ELMO1: variants seen among roughly 807,000 people sequenced by gnomAD.
ELMO1 encodes the protein engulfment and cell motility protein 1.
A neutral mutation model predicts 98.9 loss-of-function variants in ELMO1; 26 were observed. The observed-to-expected ratio is 0.26, with a 90% CI of 0.19 to 0.36. ELMO1 has a LOEUF of 0.36. ELMO1 is among the 10% of genes least tolerant of loss of function. The pLI is 1.00. For synonymous variants in ELMO1, 346 were observed against 346.0 expected (o/e 1.00, Z 0.00); for missense variants, 627 against 935.2 (o/e 0.67, Z 4.30).
At chr7:37,002,999 A>G (rs1466685008) in intron 16 of ELMO1, among the ~76,000 whole-genome samples, 2 of 152,210 alleles carry the variant, frequency 1.3e-5, no homozygotes, top group Non-Finnish European at 2.9e-5. Context: ...TTCCTGAGGA[A>G]GGTGGTGGTC....
At chr7:36,975,703 C>T (rs936578441) in intron 16 of ELMO1, among the ~76,000 whole-genome samples, 38 of 151,240 alleles carry the variant, frequency 2.5e-4, no homozygotes, top group East Asian at 1.4e-3. Context: ...AAAAATTAGC[C>T]GGGCGTGGTG....
At chr7:37,168,311 C>T (rs981012501) in intron 13 of ELMO1, among the ~76,000 whole-genome samples, 4 of 151,862 alleles carry the variant, frequency 2.6e-5, no homozygotes, top group African/African-American at 7.2e-5. Context: ...ATAGTTTGAT[C>T]GTCTGAAGCC....
At chr7:36,918,361 T>C (rs1784870593) in intron 16 of ELMO1, among the ~76,000 whole-genome samples, 1 of 152,134 alleles carries the variant, frequency 6.6e-6, no homozygotes, top group Non-Finnish European at 1.5e-5. Flanking sequence ...GTAAAAGGGA[T>C]GGGGTTTTCT....
chr7:37,162,044 TTAATGG>T (rs1396836284), intron 13 of ELMO1, among the ~76,000 whole-genome samples: 1 of 144,974 alleles, frequency 6.9e-6, no homozygotes, highest in African/African-American at 2.5e-5. Flanking sequence ...AAAAATGGGA[TTAATGG>T]AAGAGGGAGA....
intron 16 of ELMO1, among the ~76,000 whole-genome samples, chr7:36,957,076 G>A (rs371909615): frequency 6.6e-6 from 1 of 152,240 alleles, no homozygotes; most frequent in Admixed American, 6.5e-5. Context: ...GGAGAGGATG[G>A]CACCAGCTCT....
chr7:37,168,642 C>T (rs1208152590), intron 13 of ELMO1, among the ~76,000 whole-genome samples: 1 of 152,162 alleles, frequency 6.6e-6, no homozygotes, highest in Non-Finnish European at 1.5e-5. Flanking sequence ...GCGGTGTTTG[C>T]AGAACAGCGG....
intron 4 of ELMO1, among the ~76,000 whole-genome samples, chr7:37,305,725 C>T (rs1798578552): frequency 6.6e-6 from 1 of 152,194 alleles, no homozygotes. Context: ...ATAAAACCCA[C>T]AATCTTCCAA....
intron 5 of ELMO1, among the ~76,000 whole-genome samples, chr7:37,260,360 A>C (rs767960527): frequency 3.9e-5 from 6 of 152,130 alleles, no homozygotes; most frequent in Non-Finnish European, 7.4e-5. Flanking sequence ...CTCAACAGAC[A>C]ACTGGTTACA....
At chr7:37,269,044 A>C (rs976217994) in intron 5 of ELMO1, among the ~76,000 whole-genome samples, 7 of 152,266 alleles carry the variant, frequency 4.6e-5, no homozygotes, top group Non-Finnish European at 1.0e-4. Flanking sequence ...AGCTAGTATA[A>C]CACCATCTGC....
chr7:37,015,724 C>A (rs1187365768), intron 15 of ELMO1, among the ~76,000 whole-genome samples: 1 of 152,224 alleles, frequency 6.6e-6, no homozygotes, highest in Non-Finnish European at 1.5e-5. Context: ...CAAGTTAACA[C>A]CGATATGGAG....
intron 13 of ELMO1, among the ~76,000 whole-genome samples, chr7:37,210,491 T>G (rs1792894349): frequency 6.6e-6 from 1 of 151,272 alleles, no homozygotes; most frequent in Non-Finnish European, 1.5e-5. Context: ...TATATACAGA[T>G]ATATACATTG....
In ELMO1 at chr7:37,342,584, T is replaced by G; in HGVS notation, c.78+29A>C. ...TCCAGTATAGAAAGGAAACTGAAAA[T>G]AGACACCCAATGCTGTCACGTTACT... On this transcript the variant is annotated intron_variant, in intron 2 of 21. Coordinates refer to ENST00000310758, the MANE Select transcript of ELMO1 (RefSeq NM_014800.11). This position sits in a 1 kb window ranked among gnomAD's most constrained non-coding sequence, Gnocchi z 4.3. 1.2e-6 allele frequency: 2 copies of G among 1,608,632 alleles called. No homozygotes were observed. Among genetic ancestry groups the G allele is most frequent in the Non-Finnish European group, 1.7e-6 (2 of 1,175,086 alleles).
chr7:37,024,196 CTGTCTGAGTTT>C (rs1397783497), intron 15 of ELMO1, among the ~76,000 whole-genome samples: 2 of 152,178 alleles, frequency 1.3e-5, no homozygotes, highest in Non-Finnish European at 2.9e-5. Flanking sequence ...TGGAGCCAGT[CTGTCTGAGTTT>C]GGATCCTGGC....
chr7:37,349,404 T>C (rs946430784), intron 1 of ELMO1, among the ~76,000 whole-genome samples: 3 of 152,212 alleles, frequency 2.0e-5, no homozygotes, highest in Admixed American at 2.0e-4. Context: ...AAAGCAGCCC[T>C]TCCCTCTTGG....
intron 15 of ELMO1, among the ~76,000 whole-genome samples, chr7:37,026,148 A>G (rs769527470): frequency 2.0e-5 from 3 of 152,128 alleles, no homozygotes; most frequent in Non-Finnish European, 2.9e-5. Flanking sequence ...TCATATGGCA[A>G]ATTTACTGTG....
intron 13 of ELMO1, among the ~76,000 whole-genome samples, chr7:37,165,989 G>C (rs1789653836): frequency 6.6e-6 from 1 of 151,894 alleles, no homozygotes; most frequent in South Asian, 2.1e-4. Flanking sequence ...GGTTGGCCAA[G>C]CTATTAATTA....
At chr7:37,296,443 G>A (rs1238355463) in intron 4 of ELMO1, among the ~76,000 whole-genome samples, 1 of 152,122 alleles carries the variant, frequency 6.6e-6, no homozygotes, top group Non-Finnish European at 1.5e-5. Flanking sequence ...GATTAGGTCA[G>A]GCCTACCAAG....
chr7:37,287,108 G>A (rs1036768405), intron 4 of ELMO1, among the ~76,000 whole-genome samples: 3 of 151,422 alleles, frequency 2.0e-5, no homozygotes, highest in Admixed American at 6.6e-5. Context: ...CAGAAGGATC[G>A]CTTGAACCCG....
At chr7:37,281,804 T>G in intron 4 of ELMO1, among the ~76,000 whole-genome samples, 1 of 152,174 alleles carries the variant, frequency 6.6e-6, no homozygotes, top group African/African-American at 2.4e-5. Context: ...TGCCAGCTTC[T>G]CAAAAATGAT....
Sources: allele counts gnomAD v4.1 joint callset (sites outside exome capture counted in the v4.1 genomes callset), GRCh38; gene constraint gnomAD v4.1.1; non-coding constraint Gnocchi (gnomAD v3.1); transcripts MANE v1.5; gene names NCBI Gene and HGNC (gene_info 2026-07-23, HGNC 2026-07-21).